Variants in RALA observed in about 807,000 individuals in gnomAD.
RALA encodes the protein ras-related protein Ral-A.
RALA carries 5 observed loss-of-function variants against 24.0 expected under a neutral mutation model. That is an observed-to-expected ratio of 0.21 (90% confidence interval 0.11 to 0.44). RALA has a LOEUF of 0.44. RALA is among the 20% of genes least tolerant of loss of function. The pLI is 0.99. For missense variants in RALA, 95 were observed against 241.2 expected (o/e 0.39, Z 4.01); for synonymous variants, 77 against 83.8 (o/e 0.92, Z 0.44).
intron 3 of RALA, among the ~76,000 whole-genome samples, chr7:39,695,694 G>C (rs866805489): frequency 6.6e-6 from 1 of 152,094 alleles, no homozygotes; most frequent in Admixed American, 6.6e-5. Context: ...ATGAGCCACT[G>C]CACCTGGCTG....
chr7:39,690,043 A>G (rs530536502), intron 2 of RALA, among the ~76,000 whole-genome samples: 114 of 152,324 alleles, frequency 7.5e-4, no homozygotes, highest in Non-Finnish European at 1.3e-3. Context: ...TAGCATGAAA[A>G]TTTATATTCA....
chr7:39,630,251 C>T (rs1200523686), intron 1 of RALA, among the ~76,000 whole-genome samples: 1 of 99,626 alleles, frequency 1.0e-5, no homozygotes, highest in Non-Finnish European at 1.9e-5. Context: ...GGGGTTTTAA[C>T]ATGTTGCCCA....
chr7:39,630,343 T>A (rs1256216718), intron 1 of RALA, among the ~76,000 whole-genome samples: 1 of 151,816 alleles, frequency 6.6e-6, no homozygotes, highest in Non-Finnish European at 1.5e-5. Flanking sequence ...TGAGCTATCG[T>A]GCCCGACCAA....
intron 1 of RALA, among the ~76,000 whole-genome samples, chr7:39,642,281 A>G (rs1335842519): frequency 6.6e-6 from 1 of 152,208 alleles, no homozygotes; most frequent in African/African-American, 2.4e-5. Flanking sequence ...TGACAGGACA[A>G]AGGAAAGGGT....
chr7:39,697,118 T>A (rs1287762193), intron 4 of RALA, among the ~76,000 whole-genome samples: 1 of 152,028 alleles, frequency 6.6e-6, no homozygotes, highest in Non-Finnish European at 1.5e-5. Flanking sequence ...CATTCCTGAC[T>A]TTTTTCCCCC....
intron 1 of RALA, among the ~76,000 whole-genome samples, chr7:39,638,133 C>T (rs1208044042): frequency 1.3e-5 from 2 of 152,062 alleles, no homozygotes; most frequent in Non-Finnish European, 2.9e-5. Context: ...GCTGAATGCT[C>T]TGTCACCTAG....
chr7:39,667,198 G>A (rs1318449885), intron 1 of RALA, among the ~76,000 whole-genome samples: 6 of 152,174 alleles, frequency 3.9e-5, no homozygotes, highest in African/African-American at 1.4e-4. Flanking sequence ...TTAATTGAAT[G>A]TCTTGGAATT....
intron 1 of RALA, among the ~76,000 whole-genome samples, chr7:39,667,093 GTTTA>G (rs1286147348): frequency 6.6e-6 from 1 of 152,080 alleles, no homozygotes; most frequent in Non-Finnish European, 1.5e-5. Flanking sequence ...AAACTTTTGT[GTTTA>G]TTTATGATTC....
At chr7:39,638,468 T>G (rs1386035092) in intron 1 of RALA, among the ~76,000 whole-genome samples, 1 of 152,230 alleles carries the variant, frequency 6.6e-6, no homozygotes, top group Non-Finnish European at 1.5e-5. Context: ...TTAGTAGTAT[T>G]CTATTCTATG....
chr7:39,637,733 GA>G (rs931235189), intron 1 of RALA, among the ~76,000 whole-genome samples: 2 of 152,062 alleles, frequency 1.3e-5, no homozygotes, highest in African/African-American at 4.8e-5. Flanking sequence ...TTTTTGTTTT[GA>G]AACATTTCAA....
intron 1 of RALA, among the ~76,000 whole-genome samples, chr7:39,648,376 C>T (rs1336342685): frequency 6.6e-6 from 1 of 151,522 alleles, no homozygotes; most frequent in African/African-American, 2.4e-5. Context: ...TTAATATATA[C>T]AGTTTGTTTT....
chr7:39,633,631 A>G (rs1001844226), intron 1 of RALA, among the ~76,000 whole-genome samples: 1 of 152,202 alleles, frequency 6.6e-6, no homozygotes, highest in African/African-American at 2.4e-5. Context: ...GCCACACCCT[A>G]TCAGCAGGTT....
At chr7:39,654,836 G>A (rs1362636485) in intron 1 of RALA, among the ~76,000 whole-genome samples, 1 of 152,074 alleles carries the variant, frequency 6.6e-6, no homozygotes, top group East Asian at 1.9e-4. Flanking sequence ...CTGCAGACTC[G>A]CTTTCCCAGG....
chr7:39,653,765 A>G (rs984292055), intron 1 of RALA, among the ~76,000 whole-genome samples: 1 of 152,168 alleles, frequency 6.6e-6, no homozygotes, highest in African/African-American at 2.4e-5. Flanking sequence ...TTTGTAGTAC[A>G]TTGTACTTCC....
intron 1 of RALA, among the ~76,000 whole-genome samples, chr7:39,642,621 G>T (rs756090816): frequency 6.6e-6 from 1 of 152,068 alleles, no homozygotes; most frequent in Non-Finnish European, 1.5e-5. Flanking sequence ...TTAGCCATTC[G>T]TAAACCCCTG....
Position 39,648,828 on chromosome 7 carries a change from G to A in RALA, c.-38+25003G>A, listed in dbSNP as rs368974971. ...TAATCCCAGCACTTTGGGAGGTCGA[G>A]GCAAGCGGATCACTTGAGCCCAAGA... On this transcript the variant is annotated intron_variant, in intron 1 of 4. Coordinates refer to ENST00000005257, the MANE Select transcript of RALA (RefSeq NM_005402.4). 5.9e-5 allele frequency among the ~76,000 whole-genome samples: 9 copies of A among 152,306 alleles called. No individual in the cohort carries two copies. In the East Asian group the frequency reaches 1.4e-3, roughly 23 times the overall value.
rs539584156 is a variant in RALA, at chr7:39,626,018, G to C, written c.-38+2193G>C. ...TTTTAAAATACTGGAATAAGAGGCT[G>C]TGAATGTTAATGAGGAAAAAGACTA... is the stretch of plus-strand genomic sequence containing the variant. On this transcript the variant is annotated intron_variant, in intron 1 of 4. Coordinates refer to ENST00000005257, the MANE Select transcript of RALA (RefSeq NM_005402.4). Among the ~76,000 whole-genome samples, 27 of 152,312 alleles carry C rather than the reference G, an allele frequency of 1.8e-4. No individual in the cohort carries two copies. The South Asian group carries it at 5.4e-3, about 30-fold the overall frequency.
intron 1 of RALA, among the ~76,000 whole-genome samples, chr7:39,675,808 A>G (rs1792477250): frequency 6.6e-6 from 1 of 151,776 alleles, no homozygotes; most frequent in South Asian, 2.1e-4. Flanking sequence ...CTCTTCTGAA[A>G]TTGTTCATTT....
intron 1 of RALA, among the ~76,000 whole-genome samples, chr7:39,625,775 A>G (rs949976527): frequency 6.6e-6 from 1 of 152,228 alleles, no homozygotes; most frequent in East Asian, 1.9e-4. Flanking sequence ...TTTTGTCTGT[A>G]GATGGTTGGA....
Sources: allele counts gnomAD v4.1 joint callset (sites outside exome capture counted in the v4.1 genomes callset), GRCh38; gene constraint gnomAD v4.1.1; transcripts MANE v1.5; gene names NCBI Gene and HGNC (gene_info 2026-07-23, HGNC 2026-07-21).